Variants in FYN observed in about 807,000 individuals in gnomAD.
FYN encodes the protein FYN proto-oncogene, Src family tyrosine kinase, also known as tyrosine-protein kinase Fyn.
In FYN, 10 loss-of-function variants were observed where a neutral mutation model predicts 70.2. The observed-to-expected ratio is 0.14, with a 90% CI of 0.09 to 0.24. The LOEUF (loss-of-function observed/expected upper bound fraction) is 0.24, where lower values mean the gene tolerates loss of function less well. FYN is among the 10% of genes least tolerant of loss of function. FYN has a pLI of 1.00. For missense variants in FYN, 319 were observed against 673.1 expected, an observed-to-expected ratio of 0.47 and a Z score of 5.82; for synonymous variants, 236 against 248.6, an observed-to-expected ratio of 0.95 and a Z score of 0.48.
At chr6:111,752,360 T>A (rs1378142711) in intron 3 of FYN, among the ~76,000 whole-genome samples, 2 of 152,250 alleles carry the variant, frequency 1.3e-5, no homozygotes, top group African/African-American at 4.8e-5. Context: ...CAGCTTTTGA[T>A]AAAACAAGTG....
At chr6:111,696,597 T>C in intron 9 of FYN, 141 bp from the exon 10 acceptor site, 2 of 567,950 alleles carry the variant, frequency 3.5e-6, no homozygotes, top group Non-Finnish European at 5.8e-6. Context: ...GACATTCAAT[T>C]GCAAGGACTC....
At chr6:111,827,178 A>T (rs559168856) in intron 2 of FYN, among the ~76,000 whole-genome samples, 2 of 152,304 alleles carry the variant, frequency 1.3e-5, no homozygotes, top group African/African-American at 4.8e-5. Context: ...AAAGTCTCAT[A>T]ATAATAATAG....
At chr6:111,809,196 T>C (rs1772246332) in intron 2 of FYN, among the ~76,000 whole-genome samples, 1 of 152,178 alleles carries the variant, frequency 6.6e-6, no homozygotes, top group South Asian at 2.1e-4. Context: ...CAAACAAACA[T>C]ATGATGTGCT....
Position 111,782,306 on chromosome 6 carries a change from C to T in FYN, c.-81-1671G>A, listed in dbSNP as rs560988708. Reference sequence around the variant, plus strand: ...ACTCCTTCCACAGTTAATAATGCCTCGCCTTATCACAGCACAGCAGGGAGG... The same window carrying T: ...ACTCCTTCCACAGTTAATAATGCCTTGCCTTATCACAGCACAGCAGGGAGG... On this transcript the variant is annotated intron_variant, in intron 2 of 13. Coordinates refer to ENST00000354650, the MANE Select transcript of FYN (RefSeq NM_002037.5). 3.3e-5 allele frequency among the ~76,000 whole-genome samples: 5 copies of T among 152,300 alleles called. No individual in the cohort carries two copies. The East Asian group carries it at 7.7e-4, about 24-fold the overall frequency.
intron 12 of FYN, among the ~76,000 whole-genome samples, chr6:111,685,234 C>A (rs189925809): frequency 6.6e-6 from 1 of 152,214 alleles, no homozygotes. Context: ...AATCCAGCCA[C>A]CCCCAGAAGG....
At position 111,674,480 on chromosome 6, in the gene FYN, T is replaced by G. The variant is rs780643960; in HGVS notation, c.1405+19A>C. The G allele has an allele frequency of 6.2e-7, 1 of 1,601,502 alleles. No homozygotes were observed. Among genetic ancestry groups the G allele is most frequent in the South Asian group, 1.1e-5 (1 of 89,384 alleles). ...AAGCCTCCAATCTCAGGCCCATGTC[T>G]GTGAGGCCCTGCTCTTACCTGGGTA... is the stretch of plus-strand genomic sequence containing the variant. On this transcript the variant is annotated intron_variant, in intron 13 of 13. Transcript: ENST00000354650.
At chr6:111,829,058 T>C (rs1370711120) in intron 2 of FYN, among the ~76,000 whole-genome samples, 3 of 152,208 alleles carry the variant, frequency 2.0e-5, no homozygotes, top group Admixed American at 6.5e-5. Context: ...TTTCCACACA[T>C]CTCCTGGGAC....
At chr6:111,785,483 C>T (rs767694550) in intron 2 of FYN, among the ~76,000 whole-genome samples, 3 of 152,108 alleles carry the variant, frequency 2.0e-5, no homozygotes, top group Admixed American at 6.5e-5. Flanking sequence ...CTCTTTTCCC[C>T]GCTTCCCAAC....
intron 4 of FYN, among the ~76,000 whole-genome samples, chr6:111,715,427 G>A (rs1800588685): frequency 6.6e-6 from 1 of 152,048 alleles, no homozygotes; most frequent in Non-Finnish European, 1.5e-5. Flanking sequence ...CTGCCTCCTA[G>A]TATTCAGTCT....
chr6:111,770,759 G>A (rs1380083072), intron 3 of FYN, among the ~76,000 whole-genome samples: 9 of 152,108 alleles, frequency 5.9e-5, no homozygotes, highest in African/African-American at 1.2e-4. Flanking sequence ...GTGTGAAGAC[G>A]CCAAACCTAG....
At position 111,873,355 on chromosome 6, in the gene FYN, C is replaced by T. The variant is rs1774345673; in HGVS notation, c.-510G>A. 1 of 151,394 alleles carries T rather than the reference C, an allele frequency of 6.6e-6. No individual in the cohort carries two copies. The allele number at this position is 151,394 out of a possible 1,614,324, so 9.4% of individuals were successfully genotyped here. ...ACCCCTCCTCCTCGCCCGCGGCAGC[C>T]CCCTCCTCGCCGGCTCCGCTCCTGA... On this transcript the variant is annotated 5_prime_UTR_variant, in exon 1 of 14. Transcript: ENST00000354650.
intron 13 of FYN, 113 bp downstream of exon 13, chr6:111,674,386 G>T: frequency 2.5e-6 from 3 of 1,199,820 alleles, no homozygotes; most frequent in Non-Finnish European, 2.3e-6. Context: ...TCAAACTCAA[G>T]CTCAGCAGAA....
At chr6:111,773,528 GGGGAGAGGGAGA>G (rs558785700) in intron 3 of FYN, among the ~76,000 whole-genome samples, 1 of 39,428 alleles carries the variant, frequency 2.5e-5, no homozygotes, top group Non-Finnish European at 4.6e-5. Context: ...TGAGAGAGAG[GGGGAGAGGGAGA>G]GGGAGAGGGA....
intron 8 of FYN, among the ~76,000 whole-genome samples, chr6:111,700,827 C>CTA (rs1799799631): frequency 6.6e-6 from 1 of 152,002 alleles, no homozygotes; most frequent in Admixed American, 6.5e-5. Context: ...GAGGATCCTT[C>CTA]TATAGGACAT....
At chr6:111,754,457 A>C (rs966511775) in intron 3 of FYN, 1 of 152,202 alleles carries the variant, frequency 6.6e-6, no homozygotes, top group Non-Finnish European at 1.5e-5. Flanking sequence ...ATGAGAAGCA[A>C]GTTTCTCCTT....
chr6:111,805,951 G>A (rs1772133810), intron 2 of FYN, among the ~76,000 whole-genome samples: 1 of 152,152 alleles, frequency 6.6e-6, no homozygotes, highest in African/African-American at 2.4e-5. Context: ...GCTTTTCCTA[G>A]TCTTTTCCTT....
chr6:111,775,354 A>G (rs765534108), intron 3 of FYN, among the ~76,000 whole-genome samples: 7 of 152,194 alleles, frequency 4.6e-5, no homozygotes, highest in Non-Finnish European at 7.3e-5. Context: ...AACTTCAAGG[A>G]ATCTGGTTTA....
intron 3 of FYN, chr6:111,758,876 T>C (rs557878766): frequency 1.3e-5 from 2 of 152,478 alleles, no homozygotes; most frequent in South Asian, 4.1e-4. Context: ...CTTTCTCCGA[T>C]CTGAAGCGTG....
chr6:111,872,469 T>C (rs906489829), intron 1 of FYN, among the ~76,000 whole-genome samples: 2 of 130,514 alleles, frequency 1.5e-5, no homozygotes, highest in African/African-American at 3.0e-5. Context: ...GTGCCAGAAA[T>C]AGGCAGGAGG....
Sources: allele counts gnomAD v4.1 joint callset (sites outside exome capture counted in the v4.1 genomes callset), GRCh38; gene constraint gnomAD v4.1.1; transcripts MANE v1.5; gene names NCBI Gene and HGNC (gene_info 2026-07-23, HGNC 2026-07-21).